ADGRL3: variants seen among roughly 807,000 people sequenced by gnomAD.
ADGRL3 encodes the protein adhesion G protein-coupled receptor L3, also known as calcium-independent alpha-latrotoxin receptor 3.
A neutral mutation model predicts 153.5 loss-of-function variants in ADGRL3; 62 were observed. The ratio of observed to expected loss-of-function variants is 0.40; its 90% CI spans 0.33 to 0.50. The LOEUF (loss-of-function observed/expected upper bound fraction) is 0.50, where lower values mean the gene tolerates loss of function less well. Among genes scored for constraint, ADGRL3 ranks in the 20% least tolerant of loss-of-function variants. The pLI, the probability that ADGRL3 is intolerant of heterozygous loss-of-function variation, is 0.47. For missense variants in ADGRL3, 1,641 were observed against 1,859.4 expected (o/e 0.88, Z 2.16); for synonymous variants, 710 against 672.5 (o/e 1.06, Z -0.86).
At chr4:61,683,525 C>A (rs1052625126) in intron 6 of ADGRL3, among the ~76,000 whole-genome samples, 3 of 151,980 alleles carry the variant, frequency 2.0e-5, no homozygotes, top group Non-Finnish European at 2.9e-5. Context: ...CTCTTATGAA[C>A]CCACAATGGG....
At chr4:61,412,753 C>G (rs189091906) in intron 2 of ADGRL3, among the ~76,000 whole-genome samples, 1 of 151,992 alleles carries the variant, frequency 6.6e-6, no homozygotes, top group Non-Finnish European at 1.5e-5. Context: ...TGTGTATTTT[C>G]CTGTTCTAGA....
At chr4:61,714,944 T>C (rs2096076182) in intron 6 of ADGRL3, among the ~76,000 whole-genome samples, 1 of 152,172 alleles carries the variant, frequency 6.6e-6, no homozygotes, top group African/African-American at 2.4e-5. Context: ...TATTTGATCA[T>C]TTTATGTTTG....
At chr4:61,566,591 G>C (rs766563667) in intron 4 of ADGRL3, among the ~76,000 whole-genome samples, 53 of 152,072 alleles carry the variant, frequency 3.5e-4, no homozygotes, top group Non-Finnish European at 6.9e-4. Context: ...GTATGTATGG[G>C]AGGAGACTAA....
chr4:61,753,136 GA>G (rs1431937542), intron 8 of ADGRL3, among the ~76,000 whole-genome samples: 1 of 150,694 alleles, frequency 6.6e-6, no homozygotes, highest in African/African-American at 2.4e-5. Flanking sequence ...CTCATTTCGG[GA>G]GACACCATAA....
At chr4:61,346,748 AC>A (rs2095918769) in intron 1 of ADGRL3, among the ~76,000 whole-genome samples, 2 of 146,370 alleles carry the variant, frequency 1.4e-5, no homozygotes, top group Non-Finnish European at 3.0e-5. Context: ...GTGTCACTGG[AC>A]TCCAGCCTGG....
At chr4:61,584,919 G>A (rs1317980792) in intron 4 of ADGRL3, among the ~76,000 whole-genome samples, 5 of 151,822 alleles carry the variant, frequency 3.3e-5, no homozygotes, top group African/African-American at 1.2e-4. Context: ...AAGGACTTCA[G>A]ATTTAAATAA....
chr4:61,718,103 A>G (rs1185789295), intron 6 of ADGRL3, among the ~76,000 whole-genome samples: 1 of 152,196 alleles, frequency 6.6e-6, no homozygotes, highest in Non-Finnish European at 1.5e-5. Flanking sequence ...AATGGAACAG[A>G]CCATGGTTAT....
intron 1 of ADGRL3, among the ~76,000 whole-genome samples, chr4:61,280,596 T>A (rs1004905456): frequency 2.6e-5 from 4 of 152,144 alleles, no homozygotes; most frequent in African/African-American, 9.7e-5. Context: ...AGTTTTGTAT[T>A]GTCTGAAATT....
chr4:61,790,104 AACTTTT>A (rs1430888102), intron 8 of ADGRL3, among the ~76,000 whole-genome samples: 1 of 152,190 alleles, frequency 6.6e-6, no homozygotes, highest in Non-Finnish European at 1.5e-5. Context: ...AACTCCGTTT[AACTTTT>A]AACTTTTCCT....
chr4:61,350,381 A>G (rs944303447), intron 1 of ADGRL3, among the ~76,000 whole-genome samples: 7 of 144,650 alleles, frequency 4.8e-5, no homozygotes, highest in Admixed American at 4.3e-4. Context: ...GGAAATGTAC[A>G]TCTTGATAAT....
At chr4:61,891,185 A>T (rs1429534774) in intron 9 of ADGRL3, among the ~76,000 whole-genome samples, 2 of 147,160 alleles carry the variant, frequency 1.4e-5, no homozygotes, top group African/African-American at 5.1e-5. Flanking sequence ...GGGGAGCTGA[A>T]CGTAGATAGT....
chr4:61,925,893 A>T lies in ADGRL3; in HGVS notation c.2113-8947A>T, dbSNP rs146162599. On this transcript the variant is annotated intron_variant, in intron 13 of 26. Transcript: ENST00000683033. ...TTCAGGCCATCTGAATTGATGCCATACAATTATAGTCATGCATTACCAGTG... is the reference window on the plus strand; with the variant it reads ...TTCAGGCCATCTGAATTGATGCCATTCAATTATAGTCATGCATTACCAGTG... Among the ~76,000 whole-genome samples, 21 of 152,322 alleles carry T rather than the reference A, an allele frequency of 1.4e-4. No individual in the cohort carries two copies. In the East Asian group the frequency reaches 2.3e-3, roughly 17 times the overall value.
At chr4:61,329,424 G>A (rs1578290453) in intron 1 of ADGRL3, among the ~76,000 whole-genome samples, 1 of 151,980 alleles carries the variant, frequency 6.6e-6, no homozygotes, top group East Asian at 1.9e-4. Flanking sequence ...CTTTGATGTT[G>A]CACTGAACTT....
In ADGRL3 at chr4:62,075,348, G is replaced by C. The variant is rs565032515; in HGVS notation, c.*4440G>C. Reference sequence around the variant, plus strand: ...TCACAGGTTTGAGCCACAGCACTTGGCCTGTGATGTATTGCAGAGGGAAAA... The same window carrying C: ...TCACAGGTTTGAGCCACAGCACTTGCCCTGTGATGTATTGCAGAGGGAAAA... On this transcript the variant is annotated 3_prime_UTR_variant, in exon 27 of 27. Transcript: ENST00000683033. 6.6e-6 allele frequency: 1 copy of C among 152,160 alleles called. No individual in the cohort carries two copies. Among genetic ancestry groups the C allele is most frequent in the East Asian group, 1.9e-4 (1 of 5,172 alleles). 9.4% of individuals were successfully genotyped at this position (152,160 alleles called of 1,614,324 possible).
chr4:61,595,060 G>A (rs1002781924), intron 5 of ADGRL3, among the ~76,000 whole-genome samples: 3 of 152,110 alleles, frequency 2.0e-5, no homozygotes, highest in Non-Finnish European at 2.9e-5. Flanking sequence ...TCACCCTTCA[G>A]GGAAGTGTAT....
chr4:62,056,005 CA>C lies in ADGRL3; in HGVS notation c.3814+11458del, dbSNP rs1199368481. 2.0e-5 allele frequency among the ~76,000 whole-genome samples: 3 copies of C among 151,454 alleles called. No individual in the cohort carries two copies. The East Asian group carries it at 5.8e-4, about 29-fold the overall frequency. ...ATATGGAAAGATTAATGAACTCCTA[CA>C]AGGCTCCTAATAAAATTACGTTGAA... is the stretch of plus-strand genomic sequence containing the variant. On this transcript the variant is annotated intron_variant, in intron 25 of 26. Transcript: ENST00000683033.
At chr4:61,364,345 AAT>A (rs199596520) in intron 1 of ADGRL3, among the ~76,000 whole-genome samples, 7,352 of 140,122 alleles carry the variant, frequency 0.052, 230 homozygotes, top group Non-Finnish European at 0.079. Context: ...AAAAAAAAAA[AAT>A]AATAATAATA....
At chr4:61,893,456 T>C (rs1342313804) in intron 10 of ADGRL3, among the ~76,000 whole-genome samples, 4 of 152,222 alleles carry the variant, frequency 2.6e-5, no homozygotes, top group Middle Eastern at 3.4e-3. Context: ...CCATCAGATA[T>C]TGATTGCAGA....
intron 1 of ADGRL3, among the ~76,000 whole-genome samples, chr4:61,338,208 C>G (rs1291303430): frequency 2.0e-5 from 3 of 151,340 alleles, no homozygotes; most frequent in African/African-American, 7.3e-5. Flanking sequence ...GAGGAAGAAG[C>G]TGTAGTGAGC....
Sources: gnomAD v4.1 joint callset for allele counts (sites outside exome capture counted in the v4.1 genomes callset) on GRCh38, gnomAD v4.1.1 for gene constraint, MANE v1.5 for transcripts, NCBI Gene and HGNC (gene_info 2026-07-23, HGNC 2026-07-21) for gene names.